GNA14: variants seen among roughly 807,000 people sequenced by gnomAD.
GNA14 encodes the protein guanine nucleotide-binding protein subunit alpha-14.
A neutral mutation model predicts 42.0 loss-of-function variants in GNA14; 50 were observed. The ratio of observed to expected loss-of-function variants is 1.19; its 90% CI spans 0.95 to 1.51. GNA14 has a LOEUF of 1.51. GNA14 is among the 40% of genes most tolerant of loss of function. The pLI is 0.00. For synonymous variants in GNA14, 173 were observed against 163.1 expected (o/e 1.06, Z -0.46); for missense variants, 473 against 446.2 (o/e 1.06, Z -0.54).
At chr9:77,488,208 G>A (rs1350720155) in intron 2 of GNA14, among the ~76,000 whole-genome samples, 2 of 152,122 alleles carry the variant, frequency 1.3e-5, no homozygotes, top group African/African-American at 4.8e-5. Flanking sequence ...GTGAGGAGGT[G>A]GTAAGATAAC....
At chr9:77,501,357 A>G (rs1251824670) in intron 2 of GNA14, among the ~76,000 whole-genome samples, 1 of 152,166 alleles carries the variant, frequency 6.6e-6, no homozygotes, top group Non-Finnish European at 1.5e-5. Context: ...CATTACCCCC[A>G]GCATTTGGTG....
At position 77,648,073 on chromosome 9, in the gene GNA14, G is replaced by T. The variant is rs1824390321; in HGVS notation, c.-280C>A. 4.2e-6 allele frequency: 2 copies of T among 476,406 alleles called. No homozygotes were observed. The highest frequency in any genetic ancestry group is 2.6e-5 in the South Asian group (1 of 38,000). 29.5% of individuals were successfully genotyped at this position (476,406 alleles called of 1,614,324 possible). A position where few individuals can be genotyped will look rare whatever the true frequency, so the allele number is the denominator to read the frequency against. On this transcript the variant is annotated 5_prime_UTR_variant, in exon 1 of 7. Coordinates refer to ENST00000341700, the MANE Select transcript of GNA14 (RefSeq NM_004297.4). ...CTCTCGCTCTGGGGAGGAGGAGGGC[G>T]AGTCGAGAAGTTGGGAGCGTTGCTG...
chr9:77,493,841 T>G (rs1836826988), intron 2 of GNA14, among the ~76,000 whole-genome samples: 1 of 152,218 alleles, frequency 6.6e-6, no homozygotes, highest in Non-Finnish European at 1.5e-5. Flanking sequence ...TTTAGCTGAA[T>G]TATCTTTACA....
chr9:77,493,914 A>G (rs7853596), intron 2 of GNA14, among the ~76,000 whole-genome samples: 28,284 of 152,028 alleles, frequency 0.19, 2,845 homozygotes, highest in East Asian at 0.37. Context: ...TCTGGATAAA[A>G]TATCATTGTT....
chr9:77,459,900 C>T (rs1366775802), intron 2 of GNA14, among the ~76,000 whole-genome samples: 1 of 152,166 alleles, frequency 6.6e-6, no homozygotes, highest in Non-Finnish European at 1.5e-5. Context: ...CATCCCGCTA[C>T]CCCACTGTGG....
intron 2 of GNA14, among the ~76,000 whole-genome samples, chr9:77,521,799 T>C (rs1027118927): frequency 5.3e-5 from 8 of 152,194 alleles, no homozygotes; most frequent in African/African-American, 1.4e-4. Context: ...AATTTCCTAA[T>C]ATAATGTCTT....
At chr9:77,554,477 G>A (rs1255976713) in intron 1 of GNA14, among the ~76,000 whole-genome samples, 1 of 152,314 alleles carries the variant, frequency 6.6e-6, no homozygotes, top group Admixed American at 6.5e-5. Flanking sequence ...CAGTTTGACT[G>A]TTAGCAAGAA....
intron 2 of GNA14, among the ~76,000 whole-genome samples, chr9:77,467,943 T>C (rs951127694): frequency 1.3e-5 from 2 of 152,202 alleles, no homozygotes; most frequent in African/African-American, 4.8e-5. Context: ...TCTTGACCTA[T>C]CTATGTCTGA....
intron 2 of GNA14, among the ~76,000 whole-genome samples, chr9:77,450,809 T>C (rs766272351): frequency 9.9e-5 from 15 of 152,028 alleles, no homozygotes; most frequent in Non-Finnish European, 1.5e-4. Context: ...TGGGAAGTAA[T>C]TGAATCATGG....
chr9:77,597,186 G>C (rs2117904589), intron 1 of GNA14, among the ~76,000 whole-genome samples: 1 of 152,284 alleles, frequency 6.6e-6, no homozygotes, highest in Non-Finnish European at 1.5e-5. Flanking sequence ...GGAGTTTGTT[G>C]AACAATGTTA....
At chr9:77,471,346 T>A (rs1293082613) in intron 2 of GNA14, among the ~76,000 whole-genome samples, 1 of 152,054 alleles carries the variant, frequency 6.6e-6, no homozygotes, top group African/African-American at 2.4e-5. Flanking sequence ...CAAATTAACA[T>A]TGAAGAAACT....
intron 4 of GNA14, 86 bp downstream of exon 4, chr9:77,431,235 G>T: frequency 8.0e-7 from 1 of 1,251,744 alleles, no homozygotes; most frequent in Non-Finnish European, 1.1e-6. Flanking sequence ...TATAATCCCT[G>T]CTTAGGAATA....
At chr9:77,494,681 C>T (rs1335177866) in intron 2 of GNA14, among the ~76,000 whole-genome samples, 1 of 152,130 alleles carries the variant, frequency 6.6e-6, no homozygotes. Context: ...TTCATATCTA[C>T]AAGGAAATAT....
chr9:77,453,048 G>A (rs1285799154), intron 2 of GNA14, among the ~76,000 whole-genome samples: 1 of 152,212 alleles, frequency 6.6e-6, no homozygotes, highest in Admixed American at 6.5e-5. Context: ...GCTGAGGCAG[G>A]AGGATGGCGT....
intron 2 of GNA14, among the ~76,000 whole-genome samples, chr9:77,444,478 C>T (rs1587764425): frequency 1.3e-5 from 2 of 152,186 alleles, no homozygotes; most frequent in East Asian, 3.9e-4. Context: ...GTGCAGGTTC[C>T]ACTTCATCCC....
intron 2 of GNA14, among the ~76,000 whole-genome samples, chr9:77,515,668 C>G (rs1480709957): frequency 3.9e-5 from 6 of 152,042 alleles, no homozygotes; most frequent in Non-Finnish European, 5.9e-5. Flanking sequence ...TTGAGGAATT[C>G]AAGAGTGAGC....
At position 77,606,144 on chromosome 9, in the gene GNA14, A is replaced by T. The variant is rs1003216360; in HGVS notation, c.124+41526T>A. Among the ~76,000 whole-genome samples, 2 of 152,208 alleles carry T rather than the reference A, an allele frequency of 1.3e-5. 1 individual carries two copies. Among genetic ancestry groups the T allele is most frequent in the East Asian group, 3.9e-4 (2 of 5,190 alleles). ...TTTATTACTCTAGCAGAAGGAAGAA[A>T]ACTATTCTGTCCTTTTAAAGCCTTG... On this transcript the variant is annotated intron_variant, in intron 1 of 6. Coordinates refer to ENST00000341700, the MANE Select transcript of GNA14 (RefSeq NM_004297.4).
At chr9:77,426,214 G>A (rs1449988163) in intron 5 of GNA14, among the ~76,000 whole-genome samples, 1 of 152,102 alleles carries the variant, frequency 6.6e-6, no homozygotes, top group Non-Finnish European at 1.5e-5. Context: ...GCAGAGACAG[G>A]ACGCACTGCT....
chr9:77,525,687 C>A (rs572299465), intron 2 of GNA14, among the ~76,000 whole-genome samples: 3 of 151,676 alleles, frequency 2.0e-5, no homozygotes, highest in Non-Finnish European at 2.9e-5. Flanking sequence ...TACAGGTACC[C>A]GCCAACACGC....
Sources: gnomAD v4.1 joint callset for allele counts (sites outside exome capture counted in the v4.1 genomes callset) on GRCh38, gnomAD v4.1.1 for gene constraint, MANE v1.5 for transcripts, NCBI Gene and HGNC (gene_info 2026-07-23, HGNC 2026-07-21) for gene names.